The following GABBR2 variants were observed in gnomAD, a reference collection of about 807,000 sequenced individuals.
The protein encoded by GABBR2 is gamma-aminobutyric acid type B receptor subunit 2, also known as G-protein coupled receptor 51.
In GABBR2, 23 loss-of-function variants were observed where a neutral mutation model predicts 105.6. The observed-to-expected ratio is 0.22, with a 90% CI of 0.16 to 0.31. The LOEUF (loss-of-function observed/expected upper bound fraction) is 0.31. Ranked by LOEUF, GABBR2 falls within the 10% of genes least tolerant of loss-of-function variation. The pLI is 1.00. For synonymous variants in GABBR2, 478 were observed against 499.7 expected (o/e 0.96, Z 0.58); for missense variants, 734 against 1,245.5 (o/e 0.59, Z 6.18).
intron 4 of GABBR2, among the ~76,000 whole-genome samples, chr9:98,492,647 A>G (rs887750016): frequency 6.6e-6 from 1 of 152,046 alleles, no homozygotes; most frequent in Non-Finnish European, 1.5e-5. Context: ...CCTTTTGGCT[A>G]AGGCTTTCTC....
At chr9:98,437,845 C>A (rs776067653) in intron 7 of GABBR2, among the ~76,000 whole-genome samples, 2 of 151,688 alleles carry the variant, frequency 1.3e-5, no homozygotes, top group Non-Finnish European at 2.9e-5. Context: ...CATCCGCTGT[C>A]CACACATCTA....
rs370768849 is a variant in GABBR2, at chr9:98,708,469, T to C, written c.269A>G (p.Asn90Ser). The change falls in exon 1 of 19, where the codon AAC becomes AGC. Residue 90 changes from asparagine (N) to serine (S), a missense_variant. By Grantham distance (46) the Asn-to-Ser change is conservative. Coordinates refer to ENST00000259455, the MANE Select transcript of GABBR2 (RefSeq NM_005458.8). Reference sequence around the variant, plus strand: ...GAAGTAGGGGCGCAGGAGTGACTCGTTGCGGATCTGCTCGATGGCCAGTTC... The same window carrying C: ...GAAGTAGGGGCGCAGGAGTGACTCGCTGCGGATCTGCTCGATGGCCAGTTC... ...AVELAIEQIR[N>S]ESLLRPYFLD... The C allele has an allele frequency of 5.7e-6, 9 of 1,583,116 alleles. No individual in the cohort carries two copies. The highest frequency in any genetic ancestry group is 4.6e-5 in the East Asian group (2 of 43,252).
chr9:98,675,988 A>C (rs1261806664), intron 1 of GABBR2, among the ~76,000 whole-genome samples: 1 of 152,206 alleles, frequency 6.6e-6, no homozygotes, highest in African/African-American at 2.4e-5. Context: ...CACCCCCCCA[A>C]ATATATCCAT....
At chr9:98,325,747 G>A (rs1564017922) in intron 13 of GABBR2, among the ~76,000 whole-genome samples, 1 of 152,146 alleles carries the variant, frequency 6.6e-6, no homozygotes, top group Non-Finnish European at 1.5e-5. Flanking sequence ...TAGTTATCTG[G>A]CAGCCAAACC....
At chr9:98,506,520 T>C (rs1396301725) in intron 3 of GABBR2, among the ~76,000 whole-genome samples, 5 of 152,184 alleles carry the variant, frequency 3.3e-5, no homozygotes, top group African/African-American at 1.2e-4. Flanking sequence ...AGGGCTGGGC[T>C]GCATGCTGAG....
intron 1 of GABBR2, among the ~76,000 whole-genome samples, chr9:98,645,910 A>C (rs900005665): frequency 6.6e-5 from 10 of 152,176 alleles, no homozygotes; most frequent in African/African-American, 2.4e-4. Context: ...TACCATTATT[A>C]TTTTCATTTT....
intron 3 of GABBR2, among the ~76,000 whole-genome samples, chr9:98,506,622 G>A (rs1162609905): frequency 1.3e-5 from 2 of 152,182 alleles, no homozygotes; most frequent in Non-Finnish European, 2.9e-5. Flanking sequence ...AGAAATCTGG[G>A]GAGAGCTGTG....
intron 1 of GABBR2, among the ~76,000 whole-genome samples, chr9:98,656,838 A>G (rs1453382732): frequency 6.6e-6 from 1 of 152,172 alleles, no homozygotes; most frequent in Non-Finnish European, 1.5e-5. Context: ...AACAAAAAAC[A>G]TGGGGGAAGT....
intron 3 of GABBR2, among the ~76,000 whole-genome samples, chr9:98,533,828 G>A (rs1185284310): frequency 1.3e-5 from 2 of 152,186 alleles, no homozygotes; most frequent in African/African-American, 2.4e-5. Context: ...AGGTGTGGCT[G>A]GACCAAAGGG....
At chr9:98,439,208 C>G (rs1258701885) in intron 7 of GABBR2, among the ~76,000 whole-genome samples, 1 of 152,080 alleles carries the variant, frequency 6.6e-6, no homozygotes, top group Non-Finnish European at 1.5e-5. Context: ...GAGTGTGGGT[C>G]TGGATACCAG....
At chr9:98,438,290 A>G (rs948786130) in intron 7 of GABBR2, among the ~76,000 whole-genome samples, 3 of 151,980 alleles carry the variant, frequency 2.0e-5, no homozygotes, top group Non-Finnish European at 2.9e-5. Flanking sequence ...CCATCCAACT[A>G]TCTACTCACA....
intron 8 of GABBR2, among the ~76,000 whole-genome samples, chr9:98,395,799 G>C (rs1413164764): frequency 6.6e-6 from 1 of 151,954 alleles, no homozygotes; most frequent in Non-Finnish European, 1.5e-5. Flanking sequence ...GATGGAGCAA[G>C]GGGCAGTGAG....
chr9:98,600,259 T>C (rs2131803906), intron 1 of GABBR2, among the ~76,000 whole-genome samples: 1 of 152,276 alleles, frequency 6.6e-6, no homozygotes, highest in East Asian at 1.9e-4. Context: ...GCTGCAAAGA[T>C]GGAACAGCTC....
chr9:98,321,777 C>T (rs1023770240), intron 13 of GABBR2, among the ~76,000 whole-genome samples: 12 of 152,168 alleles, frequency 7.9e-5, no homozygotes, highest in Non-Finnish European at 1.0e-4. Context: ...AAGAACATGA[C>T]GACAGCACAG....
intron 11 of GABBR2, among the ~76,000 whole-genome samples, chr9:98,385,415 C>T (rs188097833): frequency 7.2e-5 from 11 of 152,174 alleles, no homozygotes; most frequent in East Asian, 1.9e-4. Flanking sequence ...CCATGTTGCC[C>T]GGGCTGGAAG....
At chr9:98,304,741 C>A (rs1235287456) in intron 15 of GABBR2, among the ~76,000 whole-genome samples, 4 of 152,196 alleles carry the variant, frequency 2.6e-5, no homozygotes, top group Non-Finnish European at 5.9e-5. Context: ...AGTAACCCCT[C>A]CCAGCTTTGC....
chr9:98,430,647 G>T (rs1168876203), intron 7 of GABBR2, among the ~76,000 whole-genome samples: 1 of 152,134 alleles, frequency 6.6e-6, no homozygotes, highest in African/African-American at 2.4e-5. Flanking sequence ...TCAGCTGAGG[G>T]TGTGAGCAGA....
chr9:98,356,995 G>A (rs541119139), intron 13 of GABBR2, among the ~76,000 whole-genome samples: 17 of 152,268 alleles, frequency 1.1e-4, no homozygotes, highest in South Asian at 4.1e-4. Context: ...ATGACATTCT[G>A]GAAAAGGAAA....
chr9:98,514,184 C>T (rs1352301205), intron 3 of GABBR2, among the ~76,000 whole-genome samples: 2 of 132,096 alleles, frequency 1.5e-5, no homozygotes, highest in Non-Finnish European at 3.5e-5. Flanking sequence ...TATTCTCACT[C>T]ATAGGTGGGA....
Sources: gnomAD v4.1 joint callset for allele counts (sites outside exome capture counted in the v4.1 genomes callset) on GRCh38, gnomAD v4.1.1 for gene constraint, MANE v1.5 for transcripts, NCBI Gene and HGNC (gene_info 2026-07-23, HGNC 2026-07-21) for gene names.